SEMA6D: variants seen among roughly 807,000 people sequenced by gnomAD.
SEMA6D encodes the protein semaphorin-6D.
SEMA6D carries 35 observed loss-of-function variants against 106.6 expected under a neutral mutation model. The observed-to-expected ratio is 0.33, with a 90% CI of 0.25 to 0.44. The LOEUF is 0.44. SEMA6D is among the 20% of genes least tolerant of loss of function. SEMA6D has a pLI of 1.00. For missense variants in SEMA6D, 1,185 were observed against 1,345.9 expected (o/e 0.88, Z 1.87); for synonymous variants, 499 against 487.7 (o/e 1.02, Z -0.31).
intron 1 of SEMA6D, among the ~76,000 whole-genome samples, chr15:47,404,639 C>T (rs188503680): frequency 6.6e-6 from 1 of 152,244 alleles, no homozygotes; most frequent in Admixed American, 6.5e-5. Context: ...GAAAGATGCC[C>T]AGCTAGTACT....
chr15:47,216,550 G>A (rs2030626806), intron 1 of SEMA6D, among the ~76,000 whole-genome samples: 1 of 152,054 alleles, frequency 6.6e-6, no homozygotes, highest in Non-Finnish European at 1.5e-5. Flanking sequence ...TGAAATTGAA[G>A]TCAAAGAAAT....
intron 4 of SEMA6D, among the ~76,000 whole-genome samples, chr15:47,666,925 G>C (rs933881553): frequency 5.9e-5 from 9 of 152,244 alleles, no homozygotes; most frequent in Admixed American, 3.3e-4. Context: ...ACCATGCTGG[G>C]AGAGTGCCCA....
chr15:47,749,376 C>T (rs909173271), intron 1 of SEMA6D, among the ~76,000 whole-genome samples: 2 of 152,114 alleles, frequency 1.3e-5, no homozygotes, highest in Non-Finnish European at 2.9e-5. Flanking sequence ...CCACTGCGCC[C>T]GGCCTAATTA....
chr15:47,770,455 T>A (rs1364667465), intron 18 of SEMA6D, 42 bp from the exon 19 acceptor site: 1 of 1,491,612 alleles, frequency 6.7e-7, no homozygotes, highest in Non-Finnish European at 9.0e-7. Flanking sequence ...TTATTATTTT[T>A]AAAAAGCACC....
chr15:47,480,670 C>T (rs2043131334), intron 3 of SEMA6D, among the ~76,000 whole-genome samples: 1 of 152,192 alleles, frequency 6.6e-6, no homozygotes, highest in South Asian at 2.1e-4. Context: ...GCTTCTGCCA[C>T]TGAACTGCTA....
chr15:47,557,198 T>C (rs1255484340), intron 3 of SEMA6D, among the ~76,000 whole-genome samples: 1 of 152,146 alleles, frequency 6.6e-6, no homozygotes. Context: ...AGTCACTTCA[T>C]GTAAAATGAC....
intron 1 of SEMA6D, among the ~76,000 whole-genome samples, chr15:47,304,205 G>C (rs2036135828): frequency 6.6e-6 from 1 of 151,994 alleles, no homozygotes; most frequent in African/African-American, 2.4e-5. Flanking sequence ...GCTCACACCT[G>C]TAATCCCAGC....
At position 47,293,900 on chromosome 15, in the gene SEMA6D, T is replaced by A. The variant is rs143028112; in HGVS notation, c.-239+109482T>A. ...ATGTGAAGAAATATACTCAATTAAGTGTTGCATAATGTGAGCTTTGTCAGT... is the reference window on the plus strand; with the variant it reads ...ATGTGAAGAAATATACTCAATTAAGAGTTGCATAATGTGAGCTTTGTCAGT... On this transcript the variant is annotated intron_variant, in intron 1 of 19. Coordinates refer to the SEMA6D transcript ENST00000558014. Among the ~76,000 whole-genome samples the A allele has an allele frequency of 3.4e-3, 525 of 152,314 alleles. 7 individuals carry two copies. Among genetic ancestry groups the A allele is most frequent in the Admixed American group, 0.024 (362 of 15,294 alleles).
At chr15:47,259,709 A>G (rs1038826386) in intron 1 of SEMA6D, among the ~76,000 whole-genome samples, 1 of 152,060 alleles carries the variant, frequency 6.6e-6, no homozygotes, top group African/African-American at 2.4e-5. Context: ...GAATCTGTAC[A>G]TTGGGTTTTT....
intron 1 of SEMA6D, among the ~76,000 whole-genome samples, chr15:47,321,660 T>C (rs2036929326): frequency 6.6e-6 from 1 of 152,178 alleles, no homozygotes; most frequent in Non-Finnish European, 1.5e-5. Context: ...ATTTTTACCT[T>C]TCAGTATAAG....
intron 2 of SEMA6D, among the ~76,000 whole-genome samples, chr15:47,425,672 CT>C (rs750135945): frequency 1.6e-3 from 221 of 136,580 alleles, no homozygotes; most frequent in South Asian, 2.4e-3. Flanking sequence ...AAGATACTTT[CT>C]TTTTTTTTTT....
chr15:47,677,198 C>T (rs12102263), intron 4 of SEMA6D, among the ~76,000 whole-genome samples: 1 of 152,114 alleles, frequency 6.6e-6, no homozygotes, highest in Admixed American at 6.5e-5. Context: ...TTGGGGACCC[C>T]TGTTGTAAAG....
intron 4 of SEMA6D, among the ~76,000 whole-genome samples, chr15:47,673,709 G>T (rs2078183466): frequency 6.6e-6 from 1 of 152,150 alleles, no homozygotes; most frequent in South Asian, 2.1e-4. Context: ...CACGTGGGGG[G>T]AGAATTAGCC....
chr15:47,583,996 C>T (rs902903937), intron 3 of SEMA6D, among the ~76,000 whole-genome samples: 3 of 152,188 alleles, frequency 2.0e-5, no homozygotes, highest in African/African-American at 7.2e-5. Flanking sequence ...CGGATCCCAT[C>T]TATGGCTTAT....
intron 2 of SEMA6D, among the ~76,000 whole-genome samples, chr15:47,458,552 A>G (rs1040878290): frequency 6.6e-6 from 1 of 152,042 alleles, no homozygotes; most frequent in African/African-American, 2.4e-5. Flanking sequence ...TTAATAGTAG[A>G]AATATATCTG....
chr15:47,551,536 T>C (rs970316382), intron 3 of SEMA6D, among the ~76,000 whole-genome samples: 4 of 152,086 alleles, frequency 2.6e-5, no homozygotes, highest in Non-Finnish European at 5.9e-5. Flanking sequence ...GAGGGGAGAA[T>C]GAAGTGAGGA....
intron 1 of SEMA6D, among the ~76,000 whole-genome samples, chr15:47,254,321 G>A (rs1179606244): frequency 4.2e-5 from 5 of 120,296 alleles, no homozygotes; most frequent in Admixed American, 8.5e-5. Flanking sequence ...GTATATATAT[G>A]TGTGTGTGTG....
chr15:47,332,373 C>A (rs2037374827), intron 1 of SEMA6D, among the ~76,000 whole-genome samples: 1 of 152,146 alleles, frequency 6.6e-6, no homozygotes, highest in African/African-American at 2.4e-5. Flanking sequence ...AATGTTGAGT[C>A]TGAACAGTGA....
chr15:47,763,789 T>C, intron 9 of SEMA6D, 61 bp from the exon 10 acceptor site: 2 of 1,434,484 alleles, frequency 1.4e-6, no homozygotes, highest in Admixed American at 3.4e-5. Context: ...AACAGTATCA[T>C]TTTGTTTCCA....
Sources: allele counts gnomAD v4.1 joint callset (sites outside exome capture counted in the v4.1 genomes callset), GRCh38; gene constraint gnomAD v4.1.1; transcripts MANE v1.5; gene names NCBI Gene and HGNC (gene_info 2026-07-23, HGNC 2026-07-21).